Variants in ERC1 observed in about 807,000 individuals in gnomAD.
ERC1 encodes the protein RAB6 interacting protein 2.
Under a neutral mutation model 132.0 loss-of-function variants are expected in ERC1, and 56 were observed. That is an observed-to-expected ratio of 0.42 (90% CI 0.34 to 0.53). The LOEUF is 0.53. ERC1 is among the 20% of genes least tolerant of loss of function. The pLI is 0.03. For missense variants in ERC1, 1,202 were observed against 1,349.9 expected (o/e 0.89, Z 1.72); for synonymous variants, 478 against 476.1 (o/e 1.00, Z -0.05).
rs553332955 is a variant in ERC1, at chr12:1,391,677, C to T, written c.2926-16472C>T. ...CTCACAACCTGGTGAGCATGGGGCC[C>T]GCCGCTTGGTCTTTACTGACATGAG... On this transcript the variant is annotated intron_variant, in intron 16 of 18. Coordinates refer to ENST00000360905, the MANE Select transcript of ERC1 (RefSeq NM_178040.4). Among the ~76,000 whole-genome samples the T allele has an allele frequency of 1.1e-4, 16 of 152,266 alleles. No homozygotes were observed. The East Asian group carries it at 1.2e-3, about 11-fold the overall frequency.
intron 2 of ERC1, among the ~76,000 whole-genome samples, chr12:1,077,812 A>G (rs1941585028): frequency 6.6e-6 from 1 of 152,200 alleles, no homozygotes; most frequent in Admixed American, 6.5e-5. Flanking sequence ...TGCTGGAGAA[A>G]GAGTAGCCTT....
chr12:1,412,442 G>A (rs1327352212), intron 17 of ERC1, among the ~76,000 whole-genome samples: 1 of 152,196 alleles, frequency 6.6e-6, no homozygotes, highest in Non-Finnish European at 1.5e-5. Flanking sequence ...TTTCAGGAGA[G>A]GTGGTAAAAC....
At chr12:1,419,374 T>C (rs2092331541) in intron 17 of ERC1, among the ~76,000 whole-genome samples, 1 of 151,708 alleles carries the variant, frequency 6.6e-6, no homozygotes, top group South Asian at 2.1e-4. Context: ...CTGGATACAT[T>C]TCTTTATGTA....
chr12:1,190,070 A>T lies in ERC1; in HGVS notation c.2351+18A>T, dbSNP rs373014035. ...TTGGAAAGGTAAGAAAGTGAAGCTG[A>T]TTGGGGCTTATGAGGTTAAAGTATG... On this transcript the variant is annotated intron_variant, in intron 12 of 18. Coordinates refer to ENST00000360905, the MANE Select transcript of ERC1 (RefSeq NM_178040.4). The T allele has an allele frequency of 2.2e-5, 35 of 1,594,310 alleles. No homozygotes were observed. Among genetic ancestry groups the T allele is most frequent in the Non-Finnish European group, 2.9e-5 (34 of 1,162,566 alleles).
chr12:1,119,616 A>G (rs1016748447), intron 7 of ERC1, among the ~76,000 whole-genome samples: 6 of 149,030 alleles, frequency 4.0e-5, no homozygotes, highest in African/African-American at 1.2e-4. Context: ...CAATAGCACA[A>G]TCTTGGCTCA....
At chr12:1,133,365 C>T (rs1436106335) in intron 7 of ERC1, among the ~76,000 whole-genome samples, 3 of 152,068 alleles carry the variant, frequency 2.0e-5, no homozygotes, top group Non-Finnish European at 4.4e-5. Context: ...GAAGGGTCAC[C>T]AGATTCAGTA....
At chr12:1,204,101 G>A (rs575243773) in intron 12 of ERC1, 2 of 164,250 alleles carry the variant, frequency 1.2e-5, no homozygotes, top group South Asian at 1.8e-4. Flanking sequence ...TATAAGGTGG[G>A]TGTCTATAAA....
At chr12:1,270,398 C>T (rs1054692497) in intron 14 of ERC1, among the ~76,000 whole-genome samples, 4 of 151,992 alleles carry the variant, frequency 2.6e-5, no homozygotes, top group Admixed American at 2.0e-4. Context: ...TTATTAGAGA[C>T]GAGGTTTCGT....
rs146031358 is a variant in ERC1, at chr12:1,082,010, G to A, written c.670-1154G>A. Among the ~76,000 whole-genome samples, 25 of 134,598 alleles carry A rather than the reference G, an allele frequency of 1.9e-4. No individual in the cohort carries two copies. In the East Asian group the frequency reaches 3.0e-3, roughly 16 times the overall value. The allele number at this position is 134,598 out of a possible 152,430, so 88.3% of individuals were successfully genotyped here. A position where few individuals can be genotyped will look rare whatever the true frequency, so the allele number is the denominator to read the frequency against. On this transcript the variant is annotated intron_variant, in intron 2 of 18. Transcript: ENST00000360905. ...ATACTTAAAAGTCATTTTGTATTTCGCTGTCCTTCGGTTTTGCTTGTTTGT... is the reference window on the plus strand; with the variant it reads ...ATACTTAAAAGTCATTTTGTATTTCACTGTCCTTCGGTTTTGCTTGTTTGT...
At chr12:1,146,901 G>A (rs530961943) in intron 8 of ERC1, among the ~76,000 whole-genome samples, 12 of 151,518 alleles carry the variant, frequency 7.9e-5, no homozygotes, top group African/African-American at 2.9e-4. Context: ...GTGATAGTTT[G>A]CTGACAATGA....
At chr12:1,121,663 C>G (rs61914261) in intron 7 of ERC1, among the ~76,000 whole-genome samples, 44,115 of 58,716 alleles carry the variant, frequency 0.75, 17,682 homozygotes, top group East Asian at 0.97. Flanking sequence ...ATCTCTATCT[C>G]TATCTCTATC....
rs141797870 is a variant in ERC1 at position 1,143,288 on chromosome 12, C to T, written c.1737+1501C>T. Among the ~76,000 whole-genome samples the T allele has an allele frequency of 1.8e-4, 28 of 151,836 alleles. No homozygotes were observed. The East Asian group carries it at 4.6e-3, about 25-fold the overall frequency. ...CCCTAAGCCATCTTCCCATCTCAGC[C>T]TCCCAAGGCCACTGCTCCTAGCTCT... On this transcript the variant is annotated intron_variant, in intron 8 of 18. Transcript: ENST00000360905.
chr12:1,484,037 G>A (rs73037304), intron 18 of ERC1, among the ~76,000 whole-genome samples: 93,447 of 151,050 alleles, frequency 0.62, 30,140 homozygotes, highest in African/African-American at 0.77. Context: ...CGGGCGTGGT[G>A]GCTCACGCCT....
At chr12:1,249,248 A>G (rs192797653) in intron 13 of ERC1, among the ~76,000 whole-genome samples, 55 of 152,352 alleles carry the variant, frequency 3.6e-4, no homozygotes, top group Non-Finnish European at 6.8e-4. Flanking sequence ...AATTTCAATT[A>G]TAGTAATTGC....
chr12:1,171,672 T>C (rs1953081432), intron 8 of ERC1, among the ~76,000 whole-genome samples: 1 of 152,186 alleles, frequency 6.6e-6, no homozygotes, highest in African/African-American at 2.4e-5. Context: ...GGAGGCACCC[T>C]CAAAAATGTT....
chr12:1,417,228 C>G (rs550759276), intron 17 of ERC1, among the ~76,000 whole-genome samples: 15 of 152,296 alleles, frequency 9.8e-5, no homozygotes, highest in African/African-American at 3.4e-4. Context: ...AGAGGGTTCA[C>G]TCCCTTTACA....
At chr12:1,484,898 T>TTTC (rs2154433242) in intron 18 of ERC1, among the ~76,000 whole-genome samples, 1 of 151,730 alleles carries the variant, frequency 6.6e-6, no homozygotes, top group South Asian at 2.1e-4. Flanking sequence ...TTTCTTTTTT[T>TTTC]GAGACAGGGT....
In ERC1 at chr12:1,400,934, T is replaced by A. The variant is rs1270912697; in HGVS notation, c.2926-7215T>A. Among the ~76,000 whole-genome samples, 29 of 106,092 alleles carry A rather than the reference T, an allele frequency of 2.7e-4. 2 individuals are homozygous for A. Among genetic ancestry groups the A allele is most frequent in the African/African-American group, 9.9e-4 (28 of 28,178 alleles). The allele number at this position is 106,092 out of a possible 152,430, so 69.6% of individuals were successfully genotyped here. On this transcript the variant is annotated intron_variant, in intron 16 of 18. Transcript: ENST00000360905. ...TTTTTGTATTTTTTTTTTTTTTTTT[T>A]TTTTTTTTTTTTTTTTTTTGTGACG...
chr12:1,268,569 G>C (rs1163062697), intron 14 of ERC1, among the ~76,000 whole-genome samples: 1 of 152,136 alleles, frequency 6.6e-6, no homozygotes, highest in Non-Finnish European at 1.5e-5. Flanking sequence ...AGATTTGGGA[G>C]GTCTGCAGAA....
Sources: gnomAD v4.1 joint callset for allele counts (sites outside exome capture counted in the v4.1 genomes callset) on GRCh38, gnomAD v4.1.1 for gene constraint, MANE v1.5 for transcripts, NCBI Gene and HGNC (gene_info 2026-07-23, HGNC 2026-07-21) for gene names.